Variants in DCP1B observed in about 807,000 individuals in gnomAD.
DCP1B encodes the protein mRNA-decapping enzyme 1B.
A neutral mutation model predicts 60.5 loss-of-function variants in DCP1B; 47 were observed. That is an observed-to-expected ratio of 0.78 (90% CI 0.61 to 0.99). The LOEUF is 0.99. Ranked by LOEUF, DCP1B falls within the 50% of genes least tolerant of loss-of-function variation. DCP1B has a pLI of 0.00. For missense variants in DCP1B, 725 were observed against 756.8 expected, an observed-to-expected ratio of 0.96 and a Z score of 0.49; for synonymous variants, 267 against 280.3, an observed-to-expected ratio of 0.95 and a Z score of 0.47.
intron 1 of DCP1B, 155 bp downstream of exon 1, chr12:2,004,127 C>T (rs987648758): frequency 3.7e-6 from 4 of 1,067,118 alleles, no homozygotes; most frequent in African/African-American, 3.2e-5. Flanking sequence ...ACCCCCGAGA[C>T]CCCATCTCCA....
At chr12:1,978,777 A>C (rs1565805565) in intron 3 of DCP1B, among the ~76,000 whole-genome samples, 1 of 152,180 alleles carries the variant, frequency 6.6e-6, no homozygotes, top group Admixed American at 6.5e-5. Context: ...CTTCATATAA[A>C]TGGGGTCGTA....
At chr12:1,958,825 A>C in intron 5 of DCP1B, among the ~76,000 whole-genome samples, 1 of 79,936 alleles carries the variant, frequency 1.3e-5, no homozygotes, top group Non-Finnish European at 2.4e-5. Flanking sequence ...CCTGGAAGGA[A>C]ACAGGGGAAA....
rs2031160824 is a variant in DCP1B, at chr12:1,962,492, T to G, written c.522+3066A>C. Reference sequence around the variant, plus strand: ...TAATTTTTTTCAATATTTGTATTTATTTACCATTGTTACACTGTCTTCACA... The same window carrying G: ...TAATTTTTTTCAATATTTGTATTTAGTTACCATTGTTACACTGTCTTCACA... On this transcript the variant is annotated intron_variant, in intron 5 of 8. Transcript: ENST00000280665. The surrounding 1 kb of genome is among the most constrained non-coding windows in gnomAD (Gnocchi z 4.4). 6.6e-6 allele frequency among the ~76,000 whole-genome samples: 1 copy of G among 152,190 alleles called. No homozygotes were observed. The highest frequency in any genetic ancestry group is 2.4e-5 in the African/African-American group (1 of 41,454).
At chr12:1,969,101 G>A (rs2031609700) in intron 3 of DCP1B, among the ~76,000 whole-genome samples, 1 of 152,016 alleles carries the variant, frequency 6.6e-6, no homozygotes, top group Non-Finnish European at 1.5e-5. Context: ...AACAAAACAT[G>A]TTTTTACAAG....
chr12:1,967,501 T>C (rs2031333177), intron 4 of DCP1B, among the ~76,000 whole-genome samples: 1 of 152,242 alleles, frequency 6.6e-6, no homozygotes, highest in Admixed American at 6.5e-5. Flanking sequence ...TGGCTCTGAA[T>C]GTTCTTTTTA....
intron 3 of DCP1B, among the ~76,000 whole-genome samples, chr12:1,973,865 G>A (rs2033379455): frequency 6.6e-6 from 1 of 151,834 alleles, no homozygotes; most frequent in Non-Finnish European, 1.5e-5. Flanking sequence ...AAATCTCCTT[G>A]GCCACAAATA....
intron 5 of DCP1B, among the ~76,000 whole-genome samples, chr12:1,961,713 C>A (rs2031131726): frequency 6.6e-6 from 1 of 152,066 alleles, no homozygotes; most frequent in Non-Finnish European, 1.5e-5. Flanking sequence ...ACTGAAGAGA[C>A]CTGGGAAAAC....
chr12:1,954,119 T>C (rs888525272), intron 6 of DCP1B, among the ~76,000 whole-genome samples: 3 of 151,918 alleles, frequency 2.0e-5, no homozygotes, highest in African/African-American at 7.3e-5. Flanking sequence ...GAGACACAAG[T>C]TGCAGTGAGC....
chr12:1,998,556 G>A (rs536455900), intron 1 of DCP1B, among the ~76,000 whole-genome samples: 80 of 152,294 alleles, frequency 5.3e-4, no homozygotes, highest in African/African-American at 1.7e-3. Context: ...GGTCTGACCC[G>A]AGATCACTGA....
At chr12:1,946,036 A>C (rs1368882090), downstream of DCP1B, 2 of 522,584 alleles carry the variant, frequency 3.8e-6, no homozygotes, top group Admixed American at 3.8e-5. Context: ...TATAATAATA[A>C]TTAAAAAACA....
At chr12:1,972,317 C>T (rs2032640452) in intron 3 of DCP1B, among the ~76,000 whole-genome samples, 1 of 152,148 alleles carries the variant, frequency 6.6e-6, no homozygotes, top group African/African-American at 2.4e-5. Context: ...TTTGTGTAAA[C>T]ACTTGTTTCT....
intron 6 of DCP1B, among the ~76,000 whole-genome samples, 156 bp downstream of exon 6, chr12:1,955,276 A>C (rs1565762928): frequency 6.6e-6 from 1 of 152,360 alleles, no homozygotes; most frequent in East Asian, 1.9e-4. Context: ...GTAAGTTATT[A>C]ATAATGAAAA....
chr12:1,957,529 C>T (rs1030777694), intron 5 of DCP1B, among the ~76,000 whole-genome samples: 3 of 152,128 alleles, frequency 2.0e-5, no homozygotes, highest in African/African-American at 7.2e-5. Context: ...CAGCTATATC[C>T]AGAAAAGAGC....
At chr12:1,992,380 C>T (rs913509035) in intron 3 of DCP1B, 2 of 153,790 alleles carry the variant, frequency 1.3e-5, no homozygotes, top group Non-Finnish European at 2.9e-5. Context: ...ATTAAAATTA[C>T]ACTGAATAGT....
intron 4 of DCP1B, chr12:1,966,278 C>T (rs979181931): frequency 6.6e-6 from 1 of 152,232 alleles, no homozygotes. Flanking sequence ...AGTTTCAAAA[C>T]ATGGTAAAGA....
chr12:1,997,687 CCAGT>C (rs1221818239), intron 2 of DCP1B, among the ~76,000 whole-genome samples: 6 of 152,054 alleles, frequency 3.9e-5, no homozygotes, highest in Admixed American at 6.5e-5. Context: ...TAAACAGTGC[CCAGT>C]CAATGATTTA....
intron 2 of DCP1B, among the ~76,000 whole-genome samples, chr12:1,995,502 C>A (rs1213272165): frequency 6.6e-6 from 1 of 152,246 alleles, no homozygotes; most frequent in Non-Finnish European, 1.5e-5. Context: ...TTCTTGGGTA[C>A]TCCACTGCTC....
chr12:1,977,032 A>G (rs191305146), intron 3 of DCP1B, among the ~76,000 whole-genome samples: 83 of 152,340 alleles, frequency 5.4e-4, no homozygotes, highest in Non-Finnish European at 5.7e-4. Flanking sequence ...ACCCTCAGTT[A>G]TCTCTGGGCA....
chr12:1,987,583 C>T (rs143977289), intron 3 of DCP1B, among the ~76,000 whole-genome samples: 94 of 152,238 alleles, frequency 6.2e-4, no homozygotes, highest in African/African-American at 2.1e-3. Context: ...TTCTGCTCTC[C>T]ATTTATTTCT....
Sources: allele counts gnomAD v4.1 joint callset (sites outside exome capture counted in the v4.1 genomes callset), GRCh38; gene constraint gnomAD v4.1.1; non-coding constraint Gnocchi (gnomAD v3.1); transcripts MANE v1.5; gene names NCBI Gene and HGNC (gene_info 2026-07-23, HGNC 2026-07-21).